The following HIBCH variants were observed in gnomAD, a reference collection of about 807,000 sequenced individuals.
The protein encoded by HIBCH is 3-hydroxyisobutyryl-CoA hydrolase, mitochondrial.
HIBCH carries 50 observed loss-of-function variants against 58.2 expected under a neutral mutation model. That is an observed-to-expected ratio of 0.86 (90% confidence interval 0.68 to 1.09). The LOEUF is 1.09. HIBCH is among the 50% of genes least tolerant of loss of function. The pLI is 0.00. For missense variants in HIBCH, 450 were observed against 449.7 expected, an observed-to-expected ratio of 1.00 and a Z score of -0.01; for synonymous variants, 151 against 146.9, an observed-to-expected ratio of 1.03 and a Z score of -0.20.
At chr2:190,285,947 T>G (rs561619128) in intron 6 of HIBCH, among the ~76,000 whole-genome samples, 1 of 152,232 alleles carries the variant, frequency 6.6e-6, no homozygotes, top group African/African-American at 2.4e-5. Flanking sequence ...GTTCAAGCAA[T>G]TCTCGTGCCT....
At chr2:190,200,187 G>A, downstream of HIBCH, 1 of 1,568,646 alleles carries the variant, frequency 6.4e-7, no homozygotes, top group South Asian at 1.1e-5. Context: ...GGAGGTGCTA[G>A]TTTGAATAAA....
chr2:190,212,438 A>T (rs1690534629), intron 12 of HIBCH, among the ~76,000 whole-genome samples: 1 of 152,248 alleles, frequency 6.6e-6, no homozygotes, highest in African/African-American at 2.4e-5. Flanking sequence ...AAGAATAAAT[A>T]AATATAAATA....
At chr2:190,250,423 C>T (rs1306306311) in intron 8 of HIBCH, 1 of 467,580 alleles carries the variant, frequency 2.1e-6, no homozygotes, top group Non-Finnish European at 4.4e-6. Context: ...ATCTTTTGTA[C>T]CCACTTCTAA....
At chr2:190,287,307 CCA>C (rs1167713544) in intron 6 of HIBCH, among the ~76,000 whole-genome samples, 1 of 152,138 alleles carries the variant, frequency 6.6e-6, no homozygotes, top group Non-Finnish European at 1.5e-5. Context: ...AGTGATCTGC[CCA>C]CCTTGGCCTC....
rs1687708418 is a variant in HIBCH, at chr2:190,281,674, T to C, written c.438+5912A>G. 6.6e-6 allele frequency among the ~76,000 whole-genome samples: 1 copy of C among 152,226 alleles called. No homozygotes were observed. The highest frequency in any genetic ancestry group is 2.1e-4 in the South Asian group (1 of 4,828). ...TCTTTACATGGCCAGGCTGAGAGTTTTCCAAATCTTTCTGCTTTCTTTCCC... is the reference window on the plus strand; with the variant it reads ...TCTTTACATGGCCAGGCTGAGAGTTCTCCAAATCTTTCTGCTTTCTTTCCC... On this transcript the variant is annotated intron_variant, in intron 6 of 13. Coordinates refer to ENST00000359678, the MANE Select transcript of HIBCH (RefSeq NM_014362.4). The surrounding 1 kb of genome is among the most constrained non-coding windows in gnomAD (Gnocchi z 5.4).
chr2:190,231,972 G>A (rs964132140), intron 11 of HIBCH, among the ~76,000 whole-genome samples: 2 of 152,132 alleles, frequency 1.3e-5, no homozygotes, highest in Non-Finnish European at 2.9e-5. Context: ...AAGGTGTGTG[G>A]ATCACCTGAG....
In HIBCH at chr2:190,209,446, T is replaced by G. The variant is rs1372348396; in HGVS notation, c.1012-533A>C. Among the ~76,000 whole-genome samples the G allele has an allele frequency of 6.6e-6, 1 of 152,194 alleles. No homozygotes were observed. Among genetic ancestry groups the G allele is most frequent in the Non-Finnish European group, 1.5e-5 (1 of 68,024 alleles). On this transcript the variant is annotated intron_variant, in intron 12 of 13. Transcript: ENST00000359678. This position sits in a 1 kb window ranked among gnomAD's most constrained non-coding sequence, Gnocchi z 5.6. ...AAACTGCCAAACAATCCAAGATCTCTTCCCAACTCCCCAAGATAATGATTT... is the reference window on the plus strand; with the variant it reads ...AAACTGCCAAACAATCCAAGATCTCGTCCCAACTCCCCAAGATAATGATTT...
At chr2:190,310,195 C>A (rs1420589602) in intron 2 of HIBCH, among the ~76,000 whole-genome samples, 4 of 152,140 alleles carry the variant, frequency 2.6e-5, no homozygotes, top group Admixed American at 6.5e-5. Flanking sequence ...GGCCTTTGGC[C>A]ACAGACTGGA....
At chr2:190,226,402 C>T (rs1575705599) in intron 11 of HIBCH, among the ~76,000 whole-genome samples, 1 of 152,054 alleles carries the variant, frequency 6.6e-6, no homozygotes, top group Non-Finnish European at 1.5e-5. Flanking sequence ...TCGAGACCAG[C>T]CTGACCAACA....
At chr2:190,271,384 G>A (rs908457247) in intron 6 of HIBCH, among the ~76,000 whole-genome samples, 1 of 149,398 alleles carries the variant, frequency 6.7e-6, no homozygotes, top group African/African-American at 2.5e-5. Context: ...TACCTCCCGG[G>A]TTTCAAGCGA....
intron 11 of HIBCH, among the ~76,000 whole-genome samples, chr2:190,244,140 T>TACAC (rs1375760736): frequency 7.3e-5 from 11 of 149,668 alleles, no homozygotes; most frequent in East Asian, 4.1e-4. Context: ...AATATATATA[T>TACAC]ATATATACAC....
chr2:190,310,819 T>C (rs765115838), intron 1 of HIBCH, 23 bp from the exon 2 acceptor site: 1 of 1,552,512 alleles, frequency 6.4e-7, no homozygotes, highest in South Asian at 1.1e-5. Flanking sequence ...TGGAAAACAA[T>C]GAGAACAGTA....
intron 11 of HIBCH, among the ~76,000 whole-genome samples, chr2:190,222,357 C>T (rs1685745682): frequency 6.6e-6 from 1 of 151,996 alleles, no homozygotes. Context: ...GGGAAAATTT[C>T]CTGCTTCCAT....
chr2:190,303,090 T>C (rs1236706845), intron 2 of HIBCH, among the ~76,000 whole-genome samples: 1 of 152,206 alleles, frequency 6.6e-6, no homozygotes, highest in African/African-American at 2.4e-5. Context: ...CCCTGACCTA[T>C]GGTACTGGAT....
At chr2:190,246,621 AAGG>A (rs1575721710) in intron 9 of HIBCH, among the ~76,000 whole-genome samples, 3 of 152,228 alleles carry the variant, frequency 2.0e-5, no homozygotes, top group South Asian at 2.1e-4. Context: ...AGCACCTCTC[AAGG>A]AGGAGTTCAC....
intron 5 of HIBCH, among the ~76,000 whole-genome samples, chr2:190,287,952 T>G (rs1350101597): frequency 5.3e-5 from 8 of 151,968 alleles, no homozygotes; most frequent in Non-Finnish European, 7.4e-5. Context: ...AGGTCAGCAG[T>G]ATGAGACCAG....
chr2:190,264,352 G>T (rs771698265), intron 6 of HIBCH, among the ~76,000 whole-genome samples: 1 of 150,684 alleles, frequency 6.6e-6, no homozygotes, highest in East Asian at 1.9e-4. Flanking sequence ...CAAATAGTAC[G>T]TTCGCAAGCA....
intron 1 of HIBCH, among the ~76,000 whole-genome samples, chr2:190,198,514 G>A (rs1690082576): frequency 6.6e-6 from 1 of 151,362 alleles, no homozygotes; most frequent in South Asian, 2.1e-4. Flanking sequence ...GTGCCTGCAG[G>A]CCAGCTACTC....
Position 190,252,153 on chromosome 2 carries a change from A to C in HIBCH, c.663+9T>G, listed in dbSNP as rs1436084198. 1 of 1,613,450 alleles carries C rather than the reference A, an allele frequency of 6.2e-7. No homozygotes were observed. Among genetic ancestry groups the C allele is most frequent in the Admixed American group, 1.7e-5 (1 of 60,004 alleles). On this transcript the variant is annotated intron_variant, in intron 8 of 13. Coordinates refer to ENST00000359678, the MANE Select transcript of HIBCH (RefSeq NM_014362.4). ...CAACAATACAAAATGCAAACATCTGAAAAAGTACCTTTTCAGAATCTACAA... is the reference window on the plus strand; with the variant it reads ...CAACAATACAAAATGCAAACATCTGCAAAAGTACCTTTTCAGAATCTACAA...
Sources: allele counts gnomAD v4.1 joint callset (sites outside exome capture counted in the v4.1 genomes callset), GRCh38; gene constraint gnomAD v4.1.1; non-coding constraint Gnocchi (gnomAD v3.1); transcripts MANE v1.5; gene names NCBI Gene and HGNC (gene_info 2026-07-23, HGNC 2026-07-21).